Variants in MKLN1 observed in about 807,000 individuals in gnomAD.
MKLN1 encodes muskelin 1.
A neutral mutation model predicts 99.0 loss-of-function variants in MKLN1; 18 were observed. That is an observed-to-expected ratio of 0.18 (90% CI 0.13 to 0.27). The LOEUF is 0.27. MKLN1 is among the 10% of genes least tolerant of loss of function. MKLN1 has a pLI of 1.00. For synonymous variants in MKLN1, 288 were observed against 293.2 expected (o/e 0.98, Z 0.18); for missense variants, 621 against 875.9 (o/e 0.71, Z 3.67).
At chr7:131,198,538 A>G (rs1033781219) in intron 2 of MKLN1, among the ~76,000 whole-genome samples, 2 of 132,882 alleles carry the variant, frequency 1.5e-5, no homozygotes, top group African/African-American at 5.9e-5. Flanking sequence ...AATTTCAAAG[A>G]TAGTGTGTCC....
At chr7:131,257,324 T>G (rs1394441435) in intron 3 of MKLN1, among the ~76,000 whole-genome samples, 2 of 152,124 alleles carry the variant, frequency 1.3e-5, no homozygotes, top group Non-Finnish European at 2.9e-5. Flanking sequence ...GTGTGATAAA[T>G]TAACATGTGC....
At position 131,484,230 on chromosome 7, in the gene MKLN1, G is replaced by A. The variant is rs3894441; in HGVS notation, c.2087-3377G>A. On this transcript the variant is annotated intron_variant, in intron 17 of 17. Transcript: ENST00000352689. ...AATAGTAAATAAAAATAAAAGATGT[G>A]CCTTTGAGAGTTAAATGAGCTTAGT... Among the ~76,000 whole-genome samples the A allele has an allele frequency of 7.5e-3, 1,146 of 152,222 alleles. 9 individuals carry two copies. Among genetic ancestry groups the A allele is most frequent in the Non-Finnish European group, 0.013 (873 of 68,000 alleles).
chr7:131,432,763 T>C (rs1352982181), intron 9 of MKLN1, among the ~76,000 whole-genome samples: 3 of 152,176 alleles, frequency 2.0e-5, no homozygotes, highest in African/African-American at 7.2e-5. Context: ...GGCATTTTTG[T>C]ATAGTTTTCT....
intron 1 of MKLN1, among the ~76,000 whole-genome samples, chr7:131,131,154 G>C (rs1795545500): frequency 6.8e-6 from 1 of 148,080 alleles, no homozygotes. Flanking sequence ...TCAAGAGTTT[G>C]AAACCAGTCT....
At position 131,151,185 on chromosome 7, in the gene MKLN1, C is replaced by T. The variant is rs182017931; in HGVS notation, c.-297+8244C>T. The stretch of plus-strand genomic sequence containing the variant: ...TAACTGCCTGTCCTCTCTGCATATC[C>T]GAAAATCGGAAGGAGCAGCCTTCCC... On this transcript the variant is annotated intron_variant, in intron 2 of 7. Transcript: ENST00000416992. Among the ~76,000 whole-genome samples the T allele has an allele frequency of 2.2e-3, 333 of 152,280 alleles. 3 individuals are homozygous for T. Among genetic ancestry groups the T allele is most frequent in the African/African-American group, 7.4e-3 (306 of 41,540 alleles).
intron 17 of MKLN1, among the ~76,000 whole-genome samples, chr7:131,485,593 C>G (rs929411702): frequency 3.9e-5 from 6 of 152,042 alleles, no homozygotes; most frequent in Non-Finnish European, 8.8e-5. Context: ...AGTAGATGAT[C>G]AAAGTTAACA....
intron 1 of MKLN1, among the ~76,000 whole-genome samples, chr7:131,120,548 CAA>C (rs55945614): frequency 2.0e-4 from 20 of 98,128 alleles, no homozygotes; most frequent in Non-Finnish European, 3.3e-4. Context: ...GACTCCCTCT[CAA>C]AAAAAAAAAA....
chr7:131,461,204 G>GT (rs1796504349), intron 12 of MKLN1, among the ~76,000 whole-genome samples: 1 of 150,854 alleles, frequency 6.6e-6, no homozygotes, highest in South Asian at 2.1e-4. Context: ...AAAAAAGTCT[G>GT]TATGTCTTCA....
At chr7:131,368,231 T>TA (rs1333853676) in intron 1 of MKLN1, among the ~76,000 whole-genome samples, 6 of 152,350 alleles carry the variant, frequency 3.9e-5, no homozygotes, top group Non-Finnish European at 7.4e-5. Context: ...GTCTAGATCT[T>TA]ACTTTATGTT....
At chr7:131,387,889 C>T (rs901286935) in intron 3 of MKLN1, among the ~76,000 whole-genome samples, 10 of 152,114 alleles carry the variant, frequency 6.6e-5, no homozygotes, top group Admixed American at 2.0e-4. Context: ...TTTGTGATGG[C>T]TGGGTGTGGT....
intron 3 of MKLN1, among the ~76,000 whole-genome samples, chr7:131,271,306 T>C (rs987122678): frequency 2.6e-5 from 4 of 152,034 alleles, no homozygotes; most frequent in African/African-American, 7.2e-5. Flanking sequence ...AGGAAAGGCA[T>C]GAGATGGCTA....
At chr7:131,160,689 T>G (rs2116311540) in intron 2 of MKLN1, among the ~76,000 whole-genome samples, 1 of 149,762 alleles carries the variant, frequency 6.7e-6, no homozygotes, top group South Asian at 2.1e-4. Flanking sequence ...GTGCTTTTTT[T>G]TTTTTTTTTT....
At chr7:131,126,264 G>A (rs1208472334) in intron 1 of MKLN1, among the ~76,000 whole-genome samples, 3 of 152,018 alleles carry the variant, frequency 2.0e-5, no homozygotes, top group Admixed American at 2.0e-4. Flanking sequence ...GACAGCTGAG[G>A]TCTGGGAAAA....
chr7:131,275,567 A>ATATTTT (rs1336398554), intron 3 of MKLN1, among the ~76,000 whole-genome samples: 2 of 5,620 alleles, frequency 3.6e-4, no homozygotes, highest in Non-Finnish European at 7.9e-4. Context: ...ATATATATAT[A>ATATTTT]TTTTTTTTTT....
At position 131,133,317 on chromosome 7, in the gene MKLN1, T is replaced by A. The variant is rs186233410; in HGVS notation, c.-418-9503T>A. On this transcript the variant is annotated intron_variant, in intron 1 of 7. Transcript: ENST00000416992. ...CCAGGCTGACTTCTTTTTTATTTTT[T>A]ATTTTAATTTTAATTTTTTTTTTCT... Among the ~76,000 whole-genome samples, 847 of 135,154 alleles carry A rather than the reference T, an allele frequency of 6.3e-3. 7 individuals are homozygous for A. The highest frequency in any genetic ancestry group is 0.011 in the South Asian group (36 of 3,426). The allele number at this position is 135,154 out of a possible 152,430, so 88.7% of individuals were successfully genotyped here.
At chr7:131,337,190 C>T (rs1269708953) in intron 1 of MKLN1, among the ~76,000 whole-genome samples, 4 of 152,020 alleles carry the variant, frequency 2.6e-5, no homozygotes, top group African/African-American at 9.7e-5. Flanking sequence ...CAGTGATGCA[C>T]CTAAGAATGG....
intron 1 of MKLN1, among the ~76,000 whole-genome samples, chr7:131,137,673 C>G (rs1795669077): frequency 6.6e-6 from 1 of 152,076 alleles, no homozygotes; most frequent in African/African-American, 2.4e-5. Flanking sequence ...CTCCTGGGTT[C>G]ATGCAATTCT....
At chr7:131,212,973 T>TA (rs1796929434) in intron 3 of MKLN1, among the ~76,000 whole-genome samples, 1 of 151,878 alleles carries the variant, frequency 6.6e-6, no homozygotes, top group Admixed American at 6.6e-5. Flanking sequence ...AATTTTGACT[T>TA]ACTTGATTTA....
intron 3 of MKLN1, among the ~76,000 whole-genome samples, chr7:131,291,831 A>G (rs1798223359): frequency 1.3e-5 from 2 of 151,804 alleles, no homozygotes; most frequent in African/African-American, 2.4e-5. Flanking sequence ...TAGGCCAGGC[A>G]TGGCAGCTCA....
Sources: gnomAD v4.1 joint callset for allele counts (sites outside exome capture counted in the v4.1 genomes callset) on GRCh38, gnomAD v4.1.1 for gene constraint, MANE v1.5 for transcripts, NCBI Gene and HGNC (gene_info 2026-07-23, HGNC 2026-07-21) for gene names.